Variants in PRR33 observed in about 807,000 individuals in gnomAD.
PRR33 encodes proline-rich protein 33.
A neutral mutation model predicts 0.5 loss-of-function variants in PRR33; 1 was observed. The ratio of observed to expected loss-of-function variants is 2.18; its 90% CI spans 0.77 to 10.34. The LOEUF (loss-of-function observed/expected upper bound fraction) is 10.34, where lower values mean the gene tolerates loss of function less well. Among genes scored for constraint, PRR33 ranks in the 30% most tolerant of loss-of-function variants. The probability of loss-of-function intolerance (pLI) is 0.13; values close to 1 mark genes in which losing one functional copy is unlikely to be tolerated. For missense variants in PRR33, 552 were observed against 251.8 expected, an observed-to-expected ratio of 2.19 and a Z score of -8.07; for synonymous variants, 226 against 110.0, an observed-to-expected ratio of 2.06 and a Z score of -6.60.
the PRR33 span, among the ~76,000 whole-genome samples, chr11:1,911,610 G>A: frequency 1.3e-5 from 2 of 151,844 alleles, no homozygotes; most frequent in African/African-American, 4.8e-5. Context: ...TGGTAGAGAT[G>A]GGGTTTCACC....
At chr11:1,914,125 C>T in the PRR33 span, among the ~76,000 whole-genome samples, 6 of 152,246 alleles carry the variant, frequency 3.9e-5, no homozygotes, top group Non-Finnish European at 8.8e-5. Context: ...CCTGGTTGGG[C>T]GCAGCGTAGC....
the PRR33 span, among the ~76,000 whole-genome samples, chr11:1,901,028 A>G: frequency 1 from 152,214 of 152,380 alleles, 76,024 homozygotes; most frequent in Middle Eastern, 1. Flanking sequence ...GCAAGATGGA[A>G]GGGCCAGGCA....
At chr11:1,901,582 G>A in the PRR33 span, among the ~76,000 whole-genome samples, 5 of 152,034 alleles carry the variant, frequency 3.3e-5, no homozygotes, top group African/African-American at 4.8e-5. Context: ...CTAAGCAATC[G>A]TTAGCTAGGG....
At chr11:1,910,245 C>T in the PRR33 span, among the ~76,000 whole-genome samples, 12 of 152,014 alleles carry the variant, frequency 7.9e-5, no homozygotes, top group Admixed American at 2.6e-4. Flanking sequence ...TGTCACTGGG[C>T]GCCATTGTGG....
chr11:1,909,394 C>T, the PRR33 span, among the ~76,000 whole-genome samples: 3 of 152,048 alleles, frequency 2.0e-5, no homozygotes, highest in Admixed American at 6.6e-5. Flanking sequence ...GGGCGGATCA[C>T]GAGGTCAGGA....
At chr11:1,894,723 A>G (rs1287460762), upstream of PRR33, among the ~76,000 whole-genome samples, 2 of 152,190 alleles carry the variant, frequency 1.3e-5, no homozygotes, top group African/African-American at 2.4e-5. Context: ...CTCTTGGTGG[A>G]CATCAGGGTG....
chr11:1,895,289 C>A (rs985270689), upstream of PRR33, among the ~76,000 whole-genome samples: 1 of 152,070 alleles, frequency 6.6e-6, no homozygotes, highest in African/African-American at 2.4e-5. Context: ...TTTGCCACCA[C>A]GCCGGGCTAA....
the PRR33 span, among the ~76,000 whole-genome samples, chr11:1,906,571 T>C: frequency 1.3e-5 from 2 of 152,360 alleles, no homozygotes; most frequent in Admixed American, 6.5e-5. Flanking sequence ...TAGCTGTTTA[T>C]CTGCAAGCAG....
the PRR33 span, among the ~76,000 whole-genome samples, chr11:1,908,544 T>C: frequency 3.3e-5 from 5 of 152,198 alleles, no homozygotes; most frequent in African/African-American, 1.2e-4. Context: ...TACTTTATAC[T>C]CTTGTTTGGG....
the PRR33 span, among the ~76,000 whole-genome samples, chr11:1,910,218 CT>C: frequency 6.6e-6 from 1 of 152,282 alleles, no homozygotes; most frequent in East Asian, 1.9e-4. Context: ...GGGATGCACC[CT>C]GCACGCTGGC....
chr11:1,897,571 GA>G, the PRR33 span, among the ~76,000 whole-genome samples: 3 of 152,182 alleles, frequency 2.0e-5, no homozygotes, highest in Non-Finnish European at 4.4e-5. The surrounding 1 kb of genome is among the most constrained non-coding windows in gnomAD (Gnocchi z 4.0). Context: ...CCTCTTGCGG[GA>G]GCTCAGTCCA....
exon 1 of PRR33, chr11:1,888,924 A>G: frequency 2.1e-6 from 1 of 478,764 alleles, no homozygotes; most frequent in South Asian, 3.6e-5. Context: ...ACTGCAGCCC[A>G]GGGGCTCCAG....
At chr11:1,905,520 C>A in the PRR33 span, among the ~76,000 whole-genome samples, 4 of 149,774 alleles carry the variant, frequency 2.7e-5, no homozygotes, top group Non-Finnish European at 5.9e-5. Context: ...CTCACTGCAA[C>A]CTCCGCCTTC....
At chr11:1,903,984 T>C in the PRR33 span, among the ~76,000 whole-genome samples, 2 of 152,364 alleles carry the variant, frequency 1.3e-5, no homozygotes, top group South Asian at 4.1e-4. Context: ...GATTCCATCC[T>C]GGACCCAGTC....
upstream of PRR33, among the ~76,000 whole-genome samples, chr11:1,895,060 T>C (rs1378021189): frequency 6.6e-6 from 1 of 152,248 alleles, no homozygotes; most frequent in Non-Finnish European, 1.5e-5. Context: ...GGGGGAAGCA[T>C]CTGTTCAGAT....
chr11:1,904,153 G>A, the PRR33 span, among the ~76,000 whole-genome samples: 1 of 152,236 alleles, frequency 6.6e-6, no homozygotes, highest in Non-Finnish European at 1.5e-5. Flanking sequence ...AGTGGGCCCT[G>A]TGGGTCCTCC....
the PRR33 span, among the ~76,000 whole-genome samples, chr11:1,902,247 A>C: frequency 2.2e-4 from 33 of 148,866 alleles, no homozygotes; most frequent in Middle Eastern, 0.01. Context: ...AAAAAAAAAA[A>C]CACACAATTA....
chr11:1,898,692 G>A, the PRR33 span, among the ~76,000 whole-genome samples: 1 of 151,714 alleles, frequency 6.6e-6, no homozygotes, highest in East Asian at 2.0e-4. Context: ...TGATTGGGAA[G>A]CAACAAAGGC....
At chr11:1,901,273 T>C in the PRR33 span, among the ~76,000 whole-genome samples, 1 of 150,708 alleles carries the variant, frequency 6.6e-6, no homozygotes, top group Non-Finnish European at 1.5e-5. Flanking sequence ...GTTTACGCCA[T>C]TGCACTCCAG....
Sources: allele counts gnomAD v4.1 joint callset (sites outside exome capture counted in the v4.1 genomes callset), GRCh38; gene constraint gnomAD v4.1.1; non-coding constraint Gnocchi (gnomAD v3.1); transcripts MANE v1.5; gene names NCBI Gene and HGNC (gene_info 2026-07-23, HGNC 2026-07-21).